CHD9: variants seen among roughly 807,000 people sequenced by gnomAD.
The protein encoded by CHD9 is ATP-dependent chromatin remodeler CHD9.
In CHD9, 77 loss-of-function variants were observed where a neutral mutation model predicts 316.1. The observed-to-expected ratio is 0.24, with a 90% confidence interval of 0.20 to 0.29. The LOEUF (loss-of-function observed/expected upper bound fraction) is 0.29. Ranked by LOEUF, CHD9 falls within the 10% of genes least tolerant of loss-of-function variation. The probability of loss-of-function intolerance (pLI) is 1.00; values close to 1 mark genes in which losing one functional copy is unlikely to be tolerated. For synonymous variants in CHD9, 1,129 were observed against 1,158.3 expected, an observed-to-expected ratio of 0.97 and a Z score of 0.51; for missense variants, 2,763 against 3,438.1, an observed-to-expected ratio of 0.80 and a Z score of 4.91.
intron 1 of CHD9, among the ~76,000 whole-genome samples, chr16:53,129,661 G>C (rs963356692): frequency 6.6e-6 from 1 of 152,242 alleles, no homozygotes; most frequent in African/African-American, 2.4e-5. Flanking sequence ...AACTGTGAAC[G>C]TGAAATATCA....
chr16:53,116,392 G>T (rs1447156822), intron 1 of CHD9, among the ~76,000 whole-genome samples: 1 of 152,180 alleles, frequency 6.6e-6, no homozygotes, highest in Non-Finnish European at 1.5e-5. Flanking sequence ...AAATCACTCA[G>T]TATGTTCTTG....
At chr16:53,110,201 A>C (rs1284908900) in intron 1 of CHD9, among the ~76,000 whole-genome samples, 1 of 152,132 alleles carries the variant, frequency 6.6e-6, no homozygotes, top group Non-Finnish European at 1.5e-5. Flanking sequence ...ATGTCTATAG[A>C]AGTATTTTTG....
At chr16:53,291,092 T>G (rs1456292349) in intron 27 of CHD9, among the ~76,000 whole-genome samples, 2 of 152,046 alleles carry the variant, frequency 1.3e-5, no homozygotes, top group Admixed American at 1.3e-4. Context: ...AAATTGAAGA[T>G]ACACCAAACA....
intron 3 of CHD9, among the ~76,000 whole-genome samples, chr16:53,220,394 A>G (rs924296655): frequency 1.3e-5 from 2 of 152,182 alleles, no homozygotes; most frequent in Non-Finnish European, 2.9e-5. Context: ...GTCAATAACC[A>G]AGTCCTGTTG....
At chr16:53,202,036 T>A (rs2045503257) in intron 2 of CHD9, among the ~76,000 whole-genome samples, 1 of 151,960 alleles carries the variant, frequency 6.6e-6, no homozygotes, top group South Asian at 2.1e-4. Context: ...GTTTAAATTT[T>A]TTTTTTTAAG....
intron 10 of CHD9, among the ~76,000 whole-genome samples, chr16:53,234,479 T>C (rs2152931497): frequency 6.6e-6 from 1 of 152,326 alleles, no homozygotes; most frequent in South Asian, 2.1e-4. Context: ...ATAGTTGTAC[T>C]ATAACAGTTT....
chr16:53,285,891 C>T (rs2053828637), intron 25 of CHD9, among the ~76,000 whole-genome samples, 192 bp downstream of exon 25: 1 of 152,190 alleles, frequency 6.6e-6, no homozygotes, highest in Non-Finnish European at 1.5e-5. Flanking sequence ...GCATGTGTAA[C>T]CTACCCTTCC....
At position 53,307,686 on chromosome 16, in the gene CHD9, T is replaced by G; in HGVS notation, c.6786T>G (p.Arg2262=). 5.0e-6 allele frequency: 8 copies of G among 1,604,848 alleles called. No homozygotes were observed. The highest frequency in any genetic ancestry group is 6.8e-6 in the Non-Finnish European group (8 of 1,175,196). ...GATGTTGCACGCTTTTCTAGGATCGTGTGATGATCAATAGGTTGGACAGTA... is the reference window on the plus strand; with the variant it reads ...GATGTTGCACGCTTTTCTAGGATCGGGTGATGATCAATAGGTTGGACAGTA... ...MLAASYWPKD[R]VMINRLDSIC... Residue 2262 remains arginine, a synonymous_variant, in exon 33 of 39, where the codon CGT becomes CGG. Coordinates refer to ENST00000447540, the MANE Select transcript of CHD9 (RefSeq NM_001308319.2).
rs189419474 is a variant in CHD9, at chr16:53,163,717, T to C, written c.1452+6176T>C. ...AAAGTTCCATATAAAAGTAAGGTTA[T>C]TACTGAGATCTGGAAAAATCTGAAT... On this transcript the variant is annotated intron_variant, in intron 2 of 38. Coordinates refer to ENST00000447540, the MANE Select transcript of CHD9 (RefSeq NM_001308319.2). Among the ~76,000 whole-genome samples the C allele has an allele frequency of 6.6e-5, 10 of 152,312 alleles. No individual in the cohort carries two copies. The East Asian group carries it at 1.9e-3, about 29-fold the overall frequency.
At chr16:53,121,525 G>A (rs779069957) in intron 1 of CHD9, 7 of 421,452 alleles carry the variant, frequency 1.7e-5, no homozygotes, top group Admixed American at 2.8e-5. Context: ...AAAAGCAGGG[G>A]ATAAACTAGA....
intron 1 of CHD9, among the ~76,000 whole-genome samples, chr16:53,064,305 C>T (rs2033278407): frequency 6.6e-6 from 1 of 152,202 alleles, no homozygotes; most frequent in Non-Finnish European, 1.5e-5. Context: ...TTCTTGGCCT[C>T]TTCCCCTCCA....
chr16:53,196,816 A>G (rs901133809), intron 2 of CHD9, among the ~76,000 whole-genome samples: 2 of 152,230 alleles, frequency 1.3e-5, no homozygotes, highest in Admixed American at 1.3e-4. Context: ...AAGCCAAACT[A>G]AAGTTTTATG....
intron 24 of CHD9, among the ~76,000 whole-genome samples, chr16:53,282,640 G>A (rs892676159): frequency 7.2e-5 from 11 of 152,116 alleles, no homozygotes; most frequent in African/African-American, 2.7e-4. Context: ...ATCTATGTTT[G>A]TTGTCTTCTT....
At chr16:53,111,006 GC>G (rs2037822228) in intron 1 of CHD9, among the ~76,000 whole-genome samples, 1 of 152,120 alleles carries the variant, frequency 6.6e-6, no homozygotes, top group Non-Finnish European at 1.5e-5. Flanking sequence ...TGACCCCTTT[GC>G]CAAGGTTCTG....
chr16:53,057,451 G>A lies in CHD9; in HGVS notation c.-165+2374G>A, dbSNP rs146784048. On this transcript the variant is annotated intron_variant, in intron 1 of 38. Coordinates refer to ENST00000447540, the MANE Select transcript of CHD9 (RefSeq NM_001308319.2). ...GGTGGATACCTGAGGTCAAGAGTTC[G>A]AGACCAGCCTGGCCAACATGGCAAA... Among the ~76,000 whole-genome samples, 1,172 of 152,020 alleles carry A rather than the reference G, an allele frequency of 7.7e-3. 17 individuals are homozygous for A. Among genetic ancestry groups the A allele is most frequent in the African/African-American group, 0.026 (1,095 of 41,494 alleles).
intron 25 of CHD9, 84 bp from the exon 26 acceptor site, chr16:53,286,142 C>A: frequency 1.5e-6 from 1 of 648,326 alleles, no homozygotes; most frequent in Non-Finnish European, 2.7e-6. Flanking sequence ...GAAATATCAT[C>A]CACTGTAAAT....
chr16:53,173,594 G>T (rs2042916594), intron 2 of CHD9, among the ~76,000 whole-genome samples: 1 of 151,758 alleles, frequency 6.6e-6, no homozygotes, highest in African/African-American at 2.4e-5. Flanking sequence ...GCTCAGGCTG[G>T]AGTGCAGTGG....
At chr16:53,308,524 TA>T (rs1384957013) in intron 33 of CHD9, among the ~76,000 whole-genome samples, 161 bp from the exon 34 acceptor site, 2 of 152,208 alleles carry the variant, frequency 1.3e-5, no homozygotes, top group African/African-American at 4.8e-5. Context: ...GAAATTGATT[TA>T]AAATGTTTTT....
chr16:53,314,646 AGAT>A (rs2056743795), intron 35 of CHD9, 130 bp downstream of exon 35: 7 of 982,016 alleles, frequency 7.1e-6, no homozygotes, highest in Non-Finnish European at 7.4e-6. Context: ...ATATAATTTT[AGAT>A]GATATCTTAG....
Sources: allele counts gnomAD v4.1 joint callset (sites outside exome capture counted in the v4.1 genomes callset), GRCh38; gene constraint gnomAD v4.1.1; transcripts MANE v1.5; gene names NCBI Gene and HGNC (gene_info 2026-07-23, HGNC 2026-07-21).